SETBP1: variants seen among roughly 807,000 people sequenced by gnomAD.
SETBP1 encodes the protein SET binding protein 1.
A neutral mutation model predicts 101.0 loss-of-function variants in SETBP1; 9 were observed. The ratio of observed to expected loss-of-function variants is 0.09; its 90% CI spans 0.05 to 0.16. SETBP1 has a LOEUF of 0.16. Ranked by LOEUF, SETBP1 falls within the 10% of genes least tolerant of loss-of-function variation. SETBP1 has a pLI of 1.00. For synonymous variants in SETBP1, 818 were observed against 788.5 expected (o/e 1.04, Z -0.63); for missense variants, 1,858 against 2,033.8 (o/e 0.91, Z 1.66).
chr18:45,053,806 C>T (rs1373180657), intron 5 of SETBP1, among the ~76,000 whole-genome samples: 1 of 151,792 alleles, frequency 6.6e-6, no homozygotes, highest in Non-Finnish European at 1.5e-5. Context: ...AAATGTCTCA[C>T]AATCAGGTAA....
At chr18:44,801,839 C>T (rs1356529183) in intron 2 of SETBP1, among the ~76,000 whole-genome samples, 1 of 150,374 alleles carries the variant, frequency 6.7e-6, no homozygotes, top group Non-Finnish European at 1.5e-5. Flanking sequence ...GCACTTCCTA[C>T]GTTGTGGTAG....
intron 2 of SETBP1, among the ~76,000 whole-genome samples, chr18:44,858,184 A>C (rs1227069900): frequency 6.6e-6 from 1 of 152,224 alleles, no homozygotes; most frequent in Non-Finnish European, 1.5e-5. Flanking sequence ...TGCCTAATGC[A>C]CTGAGAGCAT....
At position 44,932,856 on chromosome 18, in the gene SETBP1, T is replaced by C. The variant is rs147749768; in HGVS notation, c.541-17025T>C. Among the ~76,000 whole-genome samples, 707 of 152,334 alleles carry C rather than the reference T, an allele frequency of 4.6e-3. 2 individuals are homozygous for C. Among genetic ancestry groups the C allele is most frequent in the African/African-American group, 0.016 (653 of 41,570 alleles). ...AGTTAGCCATCTGTCTAATCTTTTTTCAAGGTTTTTAGCTTCTTTGCATTG... is the reference window on the plus strand; with the variant it reads ...AGTTAGCCATCTGTCTAATCTTTTTCCAAGGTTTTTAGCTTCTTTGCATTG... On this transcript the variant is annotated intron_variant, in intron 3 of 5. Transcript: ENST00000649279.
chr18:45,038,469 GGTT>G lies in SETBP1; in HGVS notation c.4001-12_4001-10del, dbSNP rs1310482440. The G allele has an allele frequency of 5.6e-6, 9 of 1,613,470 alleles. No individual in the cohort carries two copies. Among genetic ancestry groups the G allele is most frequent in the African/African-American group, 1.3e-5 (1 of 74,880 alleles). The stretch of plus-strand genomic sequence containing the variant: ...CCCTTAAAGTGACTGAAAGCTTTGG[GGTT>G]GTTATTTTTTAGGGATGCCAAGTCC... On this transcript the variant is annotated splice_polypyrimidine_tract_variant and intron_variant, in intron 4 of 5. Coordinates refer to ENST00000649279, the MANE Select transcript of SETBP1 (RefSeq NM_015559.3).
intron 3 of SETBP1, among the ~76,000 whole-genome samples, chr18:44,884,032 T>A (rs1365242227): frequency 6.6e-6 from 1 of 152,218 alleles, no homozygotes; most frequent in African/African-American, 2.4e-5. Flanking sequence ...TTTTAGTTTA[T>A]TTCGGAGAAA....
intron 3 of SETBP1, among the ~76,000 whole-genome samples, chr18:44,911,941 C>A (rs74456611): frequency 1.3e-5 from 2 of 149,932 alleles, no homozygotes; most frequent in Non-Finnish European, 1.5e-5. Flanking sequence ...ATACACACAC[C>A]CACACACACA....
intron 3 of SETBP1, among the ~76,000 whole-genome samples, chr18:44,929,296 C>G (rs2070772346): frequency 1.3e-5 from 2 of 152,118 alleles, no homozygotes; most frequent in Non-Finnish European, 2.9e-5. Flanking sequence ...TGGTCTATAT[C>G]TCTGTTTTGG....
At chr18:44,773,577 C>T (rs2070921868) in intron 2 of SETBP1, among the ~76,000 whole-genome samples, 1 of 152,108 alleles carries the variant, frequency 6.6e-6, no homozygotes, top group Admixed American at 6.5e-5. Context: ...TCTTCTTGCT[C>T]CTAGAATATA....
chr18:44,765,006 A>G (rs2070736092), intron 2 of SETBP1, among the ~76,000 whole-genome samples: 1 of 152,218 alleles, frequency 6.6e-6, no homozygotes, highest in Admixed American at 6.5e-5. Flanking sequence ...CTCTAAAAAT[A>G]GAACTCAGAA....
intron 4 of SETBP1, among the ~76,000 whole-genome samples, chr18:44,990,983 G>T (rs1416062557): frequency 1.3e-5 from 2 of 150,456 alleles, no homozygotes; most frequent in Non-Finnish European, 3.0e-5. Context: ...GGGAGTGGTG[G>T]CTCACGCCTG....
intron 3 of SETBP1, among the ~76,000 whole-genome samples, chr18:44,934,087 C>T: frequency 6.6e-6 from 1 of 152,188 alleles, no homozygotes; most frequent in East Asian, 1.9e-4. Flanking sequence ...ACATTTTTAC[C>T]AACCTTGTCT....
chr18:44,727,511 A>C (rs1407568209), intron 2 of SETBP1, among the ~76,000 whole-genome samples: 2 of 152,158 alleles, frequency 1.3e-5, no homozygotes, highest in Non-Finnish European at 2.9e-5. Flanking sequence ...GTAGGTGGAC[A>C]CTGTCTATGT....
At chr18:44,792,589 G>T (rs1438219376) in intron 2 of SETBP1, among the ~76,000 whole-genome samples, 1 of 152,192 alleles carries the variant, frequency 6.6e-6, no homozygotes, top group Non-Finnish European at 1.5e-5. Flanking sequence ...TGGACCGGAT[G>T]CCCACGTTCC....
At chr18:44,933,923 T>C (rs2070897094) in intron 3 of SETBP1, among the ~76,000 whole-genome samples, 1 of 152,104 alleles carries the variant, frequency 6.6e-6, no homozygotes, top group African/African-American at 2.4e-5. Context: ...CCTGCCCTGC[T>C]CCATGGGCTG....
At chr18:45,024,559 C>T (rs1252959997) in intron 4 of SETBP1, among the ~76,000 whole-genome samples, 1 of 152,218 alleles carries the variant, frequency 6.6e-6, no homozygotes, top group Non-Finnish European at 1.5e-5. Flanking sequence ...CACTACTCTT[C>T]TCTGGATGAC....
At chr18:44,712,300 C>T (rs2144276584) in intron 2 of SETBP1, among the ~76,000 whole-genome samples, 1 of 152,314 alleles carries the variant, frequency 6.6e-6, no homozygotes, top group Non-Finnish European at 1.5e-5. Context: ...GCAGCTCTGT[C>T]CCTCCAGGTG....
At chr18:44,822,217 G>A (rs1232554738) in intron 2 of SETBP1, among the ~76,000 whole-genome samples, 2 of 152,166 alleles carry the variant, frequency 1.3e-5, no homozygotes, top group African/African-American at 4.8e-5. Flanking sequence ...TCTTTAGTTT[G>A]ACCAAGCACT....
intron 2 of SETBP1, among the ~76,000 whole-genome samples, chr18:44,725,494 C>T (rs889204665): frequency 3.3e-5 from 5 of 152,128 alleles, no homozygotes; most frequent in African/African-American, 1.2e-4. Flanking sequence ...CCAGCCTGCC[C>T]TTGCTTGAAA....
intron 4 of SETBP1, among the ~76,000 whole-genome samples, chr18:45,019,377 A>T (rs1288551723): frequency 2.0e-5 from 3 of 152,196 alleles, no homozygotes; most frequent in African/African-American, 7.2e-5. Flanking sequence ...CCTGTACAAC[A>T]TGTTGTTTTG....
Sources: gnomAD v4.1 joint callset for allele counts (sites outside exome capture counted in the v4.1 genomes callset) on GRCh38, gnomAD v4.1.1 for gene constraint, MANE v1.5 for transcripts, NCBI Gene and HGNC (gene_info 2026-07-23, HGNC 2026-07-21) for gene names.